The following MYO3A variants were observed in gnomAD, a reference collection of about 807,000 sequenced individuals.
MYO3A encodes myosin-IIIa.
Under a neutral mutation model 192.7 loss-of-function variants are expected in MYO3A, and 180 were observed. The ratio of observed to expected loss-of-function variants is 0.93; its 90% confidence interval spans 0.83 to 1.06. MYO3A has a LOEUF of 1.06. Ranked by LOEUF, MYO3A falls within the 50% of genes least tolerant of loss-of-function variation. The probability of loss-of-function intolerance (pLI) is 0.00; values close to 1 mark genes in which losing one functional copy is unlikely to be tolerated. For synonymous variants in MYO3A, 628 were observed against 645.3 expected (o/e 0.97, Z 0.41); for missense variants, 1,896 against 1,905.0 (o/e 1.00, Z 0.09).
intron 31 of MYO3A, among the ~76,000 whole-genome samples, chr10:26,185,329 CTTTTTTTTTT>C (rs61581382): frequency 1.3e-4 from 8 of 63,876 alleles, no homozygotes; most frequent in South Asian, 1.3e-3. Context: ...TTCCAGGATT[CTTTTTTTTTT>C]TTTTTTTTTT....
intron 20 of MYO3A, among the ~76,000 whole-genome samples, chr10:26,143,207 T>C (rs949881024): frequency 6.6e-6 from 1 of 152,072 alleles, no homozygotes; most frequent in African/African-American, 2.4e-5. Flanking sequence ...GGTGTGTGCC[T>C]GTAATCCCAG....
intron 4 of MYO3A, among the ~76,000 whole-genome samples, chr10:25,973,393 G>T (rs1313114685): frequency 6.6e-6 from 1 of 152,000 alleles, no homozygotes; most frequent in Admixed American, 6.6e-5. Context: ...CAAGACGATG[G>T]GGTTTTCTAA....
chr10:26,060,736 T>C (rs938690775), intron 10 of MYO3A, among the ~76,000 whole-genome samples: 1 of 152,150 alleles, frequency 6.6e-6, no homozygotes, highest in East Asian at 1.9e-4. Flanking sequence ...ATAAAGATGA[T>C]GGAAACACTT....
chr10:26,183,065 T>A (rs544565123), intron 31 of MYO3A, among the ~76,000 whole-genome samples: 3 of 151,898 alleles, frequency 2.0e-5, no homozygotes, highest in African/African-American at 7.2e-5. Context: ...AGAAGTGGAG[T>A]GCCAAGATGT....
Position 26,088,208 on chromosome 10 carries a change from T to C in MYO3A, c.1365T>C (p.Asn455=). 1 of 1,605,950 alleles carries C rather than the reference T, an allele frequency of 6.2e-7. No homozygotes were observed. The highest frequency in any genetic ancestry group is 1.3e-5 in the African/African-American group (1 of 74,852). ...VQQLTVLGKA[N]NRTLQEKILQ... is the part of the protein sequence containing the mutation. ...TCTTAATATTTTCTATTTAGGCTAATAACAGAACCTTGCAAGAGAAGATTT... is the reference window on the plus strand; with the variant it reads ...TCTTAATATTTTCTATTTAGGCTAACAACAGAACCTTGCAAGAGAAGATTT... The change falls in exon 15 of 35, where the codon AAT becomes AAC. Residue 455 remains asparagine, a synonymous_variant. Coordinates refer to ENST00000642920, the MANE Select transcript of MYO3A (RefSeq NM_017433.5).
rs183850921 is a variant in MYO3A at position 26,207,951 on chromosome 10, A to C, written c.4731-3892A>C. Among the ~76,000 whole-genome samples the C allele has an allele frequency of 2.6e-5, 4 of 152,304 alleles. No homozygotes were observed. The East Asian group carries it at 7.7e-4, about 29-fold the overall frequency. ...ATTTGTGTCATCTGCAATTTTGTTCATCAATGCTTTATACTTTTCAATGTA... is the reference window on the plus strand; with the variant it reads ...ATTTGTGTCATCTGCAATTTTGTTCCTCAATGCTTTATACTTTTCAATGTA... On this transcript the variant is annotated intron_variant, in intron 34 of 34. Coordinates refer to ENST00000642920, the MANE Select transcript of MYO3A (RefSeq NM_017433.5).
rs1291402403 is a variant in MYO3A at position 25,991,415 on chromosome 10, C to T, written c.304-5075C>T. Among the ~76,000 whole-genome samples the T allele has an allele frequency of 3.9e-5, 6 of 152,020 alleles. No homozygotes were observed. In the East Asian group the frequency reaches 1.2e-3, roughly 29 times the overall value. ...TTCTTTGTAGATTCTGGATATTAGCCCTTTGTCAGATGAGTAGATTGCAAA... is the reference window on the plus strand; with the variant it reads ...TTCTTTGTAGATTCTGGATATTAGCTCTTTGTCAGATGAGTAGATTGCAAA... On this transcript the variant is annotated intron_variant, in intron 4 of 34. Transcript: ENST00000642920.
At chr10:26,202,792 T>C (rs1263951024) in intron 33 of MYO3A, 172 bp from the exon 34 acceptor site, 1 of 686,934 alleles carries the variant, frequency 1.5e-6, no homozygotes, top group Non-Finnish European at 2.3e-6. Flanking sequence ...TTTTCTTTTT[T>C]ACTTATGGGA....
At chr10:25,965,370 G>A (rs1838194724) in intron 4 of MYO3A, among the ~76,000 whole-genome samples, 1 of 152,104 alleles carries the variant, frequency 6.6e-6, no homozygotes, top group African/African-American at 2.4e-5. Flanking sequence ...TCATGATTCT[G>A]ATTGGTACCC....
intron 20 of MYO3A, among the ~76,000 whole-genome samples, chr10:26,129,872 C>G (rs1839431039): frequency 6.6e-6 from 1 of 152,116 alleles, no homozygotes; most frequent in African/African-American, 2.4e-5. Context: ...AACCAGAGAC[C>G]AAAACAAGTA....
chr10:26,149,115 T>C lies in MYO3A; in HGVS notation c.2635+1556T>C, dbSNP rs140616933. Among the ~76,000 whole-genome samples the C allele has an allele frequency of 1.3e-3, 191 of 152,238 alleles. 3 individuals carry two copies. Among genetic ancestry groups the C allele is most frequent in the African/African-American group, 4.2e-3 (176 of 41,544 alleles). ...TTTAGTCTTTCACCACTGAGTATAA[T>C]GTTAACTGTAGATTTTTTCATAGAA... is the stretch of plus-strand genomic sequence containing the variant. On this transcript the variant is annotated intron_variant, in intron 23 of 34. Coordinates refer to ENST00000642920, the MANE Select transcript of MYO3A (RefSeq NM_017433.5).
intron 4 of MYO3A, among the ~76,000 whole-genome samples, chr10:25,957,583 C>G (rs1837637666): frequency 6.6e-6 from 1 of 152,098 alleles, no homozygotes; most frequent in African/African-American, 2.4e-5. Context: ...AGAACAATTT[C>G]TATTCCTTTG....
chr10:26,082,871 G>C (rs1448489145), intron 14 of MYO3A, among the ~76,000 whole-genome samples: 2 of 151,872 alleles, frequency 1.3e-5, no homozygotes, highest in Non-Finnish European at 2.9e-5. Flanking sequence ...ACACCAATCA[G>C]AAAACATTTT....
rs188835563 is a variant in MYO3A at position 25,943,493 on chromosome 10, A to G, written c.-18+7663A>G. On this transcript the variant is annotated intron_variant, in intron 2 of 34. Coordinates refer to ENST00000642920, the MANE Select transcript of MYO3A (RefSeq NM_017433.5). ...AATATTGACATTTAACCAATATTAA[A>G]TCTTCTAATCCATGAACACAGATAT... Among the ~76,000 whole-genome samples the G allele has an allele frequency of 1.6e-4, 24 of 152,228 alleles. 1 individual carries two copies. The highest frequency in any genetic ancestry group is 1.3e-3 in the Admixed American group (20 of 15,298).
chr10:26,026,646 A>G (rs572510614), intron 10 of MYO3A, 114 bp downstream of exon 10: 107 of 1,213,382 alleles, frequency 8.8e-5, no homozygotes, highest in African/African-American at 6.8e-4. Flanking sequence ...GGGGACTTAC[A>G]TGAAAAGTGA....
chr10:26,014,200 ACT>A lies in MYO3A; in HGVS notation c.509-2619_509-2618del, dbSNP rs572791298. Reference sequence around the variant, plus strand: ...CATACGCCACTAGGGTAATGGGTGCACTAAAGTCTCAGAATCTACCACTGTAT... The same window carrying A: ...CATACGCCACTAGGGTAATGGGTGCAAAAGTCTCAGAATCTACCACTGTAT... On this transcript the variant is annotated intron_variant, in intron 6 of 34. Transcript: ENST00000642920. Among the ~76,000 whole-genome samples the A allele has an allele frequency of 3.1e-3, 477 of 152,260 alleles. 4 individuals are homozygous for A. Among genetic ancestry groups the A allele is most frequent in the Non-Finnish European group, 5.6e-3 (383 of 67,996 alleles).
chr10:26,019,581 G>T (rs146192109), intron 7 of MYO3A, among the ~76,000 whole-genome samples: 9,734 of 152,274 alleles, frequency 0.064, 404 homozygotes, highest in Non-Finnish European at 0.094. Flanking sequence ...CTCCCAAAGT[G>T]CTGGGATTAC....
chr10:26,128,327 A>G, intron 19 of MYO3A, 64 bp from the exon 20 acceptor site: 2 of 1,534,822 alleles, frequency 1.3e-6, no homozygotes, highest in Non-Finnish European at 1.8e-6. Context: ...TAACTCTAAG[A>G]TTCCCTGTTT....
At chr10:26,186,973 T>C (rs1313649468) in intron 31 of MYO3A, among the ~76,000 whole-genome samples, 1 of 152,234 alleles carries the variant, frequency 6.6e-6, no homozygotes, top group African/African-American at 2.4e-5. Context: ...CCAGATTTTC[T>C]TCCAAGAGCT....
Sources: gnomAD v4.1 joint callset for allele counts (sites outside exome capture counted in the v4.1 genomes callset) on GRCh38, gnomAD v4.1.1 for gene constraint, MANE v1.5 for transcripts, NCBI Gene and HGNC (gene_info 2026-07-23, HGNC 2026-07-21) for gene names.